The following ANKRD17 variants were observed in gnomAD, a reference collection of about 807,000 sequenced individuals.
The protein encoded by ANKRD17 is ankyrin repeat domain-containing protein 17.
ANKRD17 carries 19 observed loss-of-function variants against 229.7 expected under a neutral mutation model. That is an observed-to-expected ratio of 0.08 (90% confidence interval 0.06 to 0.12). The LOEUF (loss-of-function observed/expected upper bound fraction) is 0.12, where lower values mean the gene tolerates loss of function less well. ANKRD17 is among the 10% of genes least tolerant of loss of function. The pLI, the probability that ANKRD17 is intolerant of heterozygous loss-of-function variation, is 1.00. For synonymous variants in ANKRD17, 1,112 were observed against 1,146.1 expected (o/e 0.97, Z 0.60); for missense variants, 2,176 against 3,176.8 (o/e 0.68, Z 7.57).
chr4:73,121,633 C>A lies in ANKRD17; in HGVS notation c.3619G>T (p.Ala1207Ser), dbSNP rs1726734582. The change falls in exon 19 of 34, where the codon GCT (alanine) becomes TCT (serine). Residue 1207 changes from alanine to serine, a missense_variant. By Grantham distance (99) the Ala-to-Ser change is moderately conservative. This residue lies in a region of ANKRD17 where 178 missense variants were observed against 421.7 expected (regional missense o/e 0.42). Coordinates refer to ENST00000358602, the MANE Select transcript of ANKRD17 (RefSeq NM_032217.5). ...ACAACTTGCCTAGAGTTAATCTCAG[C>A]TCCTGCATTTAGTAATATTTTGATG... is the stretch of plus-strand genomic sequence containing the variant. ...NIIKILLNAG[A>S]EINSRTGSKL... 6.2e-7 allele frequency: 1 copy of A among 1,613,642 alleles called. No individual in the cohort carries two copies. The highest frequency in any genetic ancestry group is 1.3e-5 in the African/African-American group (1 of 75,024).
intron 7 of ANKRD17, among the ~76,000 whole-genome samples, chr4:73,151,062 T>C (rs1377807379): frequency 6.6e-6 from 1 of 152,192 alleles, no homozygotes; most frequent in Non-Finnish European, 1.5e-5. Context: ...GGTCTTGGTA[T>C]GTTGGCCAGG....
intron 1 of ANKRD17, among the ~76,000 whole-genome samples, chr4:73,247,430 C>T: frequency 6.6e-6 from 1 of 152,000 alleles, no homozygotes; most frequent in East Asian, 1.9e-4. Context: ...GTTCACTTCA[C>T]TAATAGCAAT....
intron 1 of ANKRD17, among the ~76,000 whole-genome samples, chr4:73,181,283 TAAAG>T (rs1194303579): frequency 6.6e-6 from 1 of 152,182 alleles, no homozygotes; most frequent in Non-Finnish European, 1.5e-5. Flanking sequence ...CTATGGGAGA[TAAAG>T]AAATGCATGA....
chr4:73,253,888 T>C (rs1285188651), intron 1 of ANKRD17, among the ~76,000 whole-genome samples: 1 of 152,228 alleles, frequency 6.6e-6, no homozygotes, highest in East Asian at 1.9e-4. Context: ...GAATTTCCAT[T>C]CCTTCTCTTC....
At chr4:73,161,424 A>T in intron 2 of ANKRD17, 76 bp from the exon 3 acceptor site, 1 of 1,456,684 alleles carries the variant, frequency 6.9e-7, no homozygotes, top group Admixed American at 1.9e-5. Flanking sequence ...ACTTAAAGCT[A>T]TACTGTGTAT....
At chr4:73,142,793 C>A in intron 11 of ANKRD17, 26 bp from the exon 12 acceptor site, 1 of 1,587,726 alleles carries the variant, frequency 6.3e-7, no homozygotes, top group South Asian at 1.2e-5. Flanking sequence ...CATGGAAAAT[C>A]ATATTAGTAG....
intron 24 of ANKRD17, among the ~76,000 whole-genome samples, chr4:73,109,866 T>C (rs1471130534): frequency 1.3e-5 from 2 of 151,750 alleles, no homozygotes; most frequent in African/African-American, 2.4e-5. Flanking sequence ...TCGGTGGTGT[T>C]GGCAGGATTA....
At chr4:73,180,504 C>T (rs2137445) in intron 1 of ANKRD17, among the ~76,000 whole-genome samples, 152,299 of 152,302 alleles carry the variant, frequency 1, 76,148 homozygotes, top group Middle Eastern at 1. Context: ...ATATAATAAA[C>T]ACAGAAACAT....
At chr4:73,155,841 G>T in intron 4 of ANKRD17, 63 bp from the exon 5 acceptor site, 1 of 1,568,654 alleles carries the variant, frequency 6.4e-7, no homozygotes, top group Non-Finnish European at 8.7e-7. Flanking sequence ...TTTTGAACAC[G>T]TATTTATATA....
intron 6 of ANKRD17, among the ~76,000 whole-genome samples, chr4:73,151,944 T>C (rs1337385007): frequency 6.6e-6 from 1 of 152,168 alleles, no homozygotes; most frequent in East Asian, 1.9e-4. Context: ...TTCCAATACC[T>C]AACTCAGAAA....
In ANKRD17 at chr4:73,258,480, C is replaced by T; in HGVS notation, c.189G>A (p.Lys63=). Residue 63 remains lysine, a synonymous_variant, in exon 1 of 34, where the codon AAG becomes AAA. Coordinates refer to ENST00000358602, the MANE Select transcript of ANKRD17 (RefSeq NM_032217.5). ...GGTGCTGCTGCTGCGGCGGCTTCTT[C>T]TTCAGGAGCAGGTCGCAGACTCGCA... The part of the protein sequence containing the change: ...GMVRVCDLLL[K]KKPPQQQHHK... 1.3e-6 allele frequency: 2 copies of T among 1,588,860 alleles called. No individual in the cohort carries two copies. Among genetic ancestry groups the T allele is most frequent in the East Asian group, 2.3e-5 (1 of 43,848 alleles).
rs1312348494 is a variant in ANKRD17, at chr4:73,118,669, G to A, written c.4188+19C>T. On this transcript the variant is annotated intron_variant, in intron 22 of 33. Transcript: ENST00000358602. ...TAAGTAAAAAAACATCCAGGTAAAT[G>A]AGGATGAAAGACTTATACCTTTCTA... is the stretch of plus-strand genomic sequence containing the variant. The A allele has an allele frequency of 6.2e-7, 1 of 1,612,974 alleles. No individual in the cohort carries two copies. Among genetic ancestry groups the A allele is most frequent in the Non-Finnish European group, 8.5e-7 (1 of 1,179,186 alleles).
intron 10 of ANKRD17, among the ~76,000 whole-genome samples, chr4:73,145,836 T>C (rs987145405): frequency 6.6e-6 from 1 of 152,112 alleles, no homozygotes; most frequent in African/African-American, 2.4e-5. Context: ...AACATTCTCT[T>C]CTCATAAATG....
rs1353208137 is a variant in ANKRD17, at chr4:73,112,515, G to C, written c.4401+1277C>G. The C allele has an allele frequency of 1.0e-5, 3 of 295,242 alleles. No homozygotes were observed. In the Admixed American group the frequency reaches 1.9e-4, roughly 19 times the overall value. 18.3% of individuals were successfully genotyped at this position (295,242 alleles called of 1,614,324 possible). A position where few individuals can be genotyped will look rare whatever the true frequency, so the allele number is the denominator to read the frequency against. ...AAAACAGCTACTTTTAATTTGCTCA[G>C]AATATAAACCACAAATTTTTAAAAA... On this transcript the variant is annotated intron_variant, in intron 24 of 33. Transcript: ENST00000358602.
At chr4:73,112,657 A>C in intron 24 of ANKRD17, 2 of 678,750 alleles carry the variant, frequency 2.9e-6, no homozygotes, top group East Asian at 2.7e-4. Context: ...GAACTTAATA[A>C]AGAAAGCAAG....
At chr4:73,199,746 A>G (rs536535132) in intron 1 of ANKRD17, among the ~76,000 whole-genome samples, 13 of 152,366 alleles carry the variant, frequency 8.5e-5, no homozygotes, top group South Asian at 4.1e-4. Flanking sequence ...AACGACAACG[A>G]AAGCTCAATA....
intron 1 of ANKRD17, among the ~76,000 whole-genome samples, chr4:73,228,257 GA>G (rs754357147): frequency 2.0e-5 from 3 of 152,086 alleles, no homozygotes; most frequent in African/African-American, 4.8e-5. Flanking sequence ...TAAGATTTCT[GA>G]AAGTCCATAC....
At chr4:73,177,258 T>G in intron 2 of ANKRD17, 122 bp downstream of exon 2, 1 of 969,250 alleles carries the variant, frequency 1.0e-6, no homozygotes, top group Non-Finnish European at 1.4e-6. Flanking sequence ...AGTAATCAAT[T>G]AACCTTTATT....
At chr4:73,126,554 T>C (rs981826986) in intron 16 of ANKRD17, among the ~76,000 whole-genome samples, 3 of 152,072 alleles carry the variant, frequency 2.0e-5, no homozygotes, top group African/African-American at 4.8e-5. Flanking sequence ...ATCCAAAATA[T>C]ACTGTGTATT....
Sources: allele counts gnomAD v4.1 joint callset (sites outside exome capture counted in the v4.1 genomes callset), GRCh38; gene constraint gnomAD v4.1.1; regional missense constraint gnomAD v4.1.1; transcripts MANE v1.5; gene names NCBI Gene and HGNC (gene_info 2026-07-23, HGNC 2026-07-21).